The following LINGO1 variants were observed in gnomAD, a reference collection of about 807,000 sequenced individuals.
LINGO1 encodes the protein leucine rich repeat and Ig domain containing 1, also known as leucine-rich repeat and immunoglobulin-like domain-containing nogo receptor-interacting protein 1.
A neutral mutation model predicts 37.3 loss-of-function variants in LINGO1; 11 were observed. The observed-to-expected ratio is 0.29, with a 90% CI of 0.19 to 0.49. The LOEUF (loss-of-function observed/expected upper bound fraction) is 0.49, where lower values mean the gene tolerates loss of function less well. LINGO1 is among the 20% of genes least tolerant of loss of function. The pLI is 0.99. For synonymous variants in LINGO1, 387 were observed against 403.0 expected (o/e 0.96, Z 0.48); for missense variants, 585 against 878.2 (o/e 0.67, Z 4.22).
chr15:77,656,769 T>A (rs1253701248), intron 3 of LINGO1, among the ~76,000 whole-genome samples: 4 of 152,226 alleles, frequency 2.6e-5, no homozygotes, highest in Non-Finnish European at 5.9e-5. Flanking sequence ...GCTTTGTCCA[T>A]GATACATGCC....
At chr15:77,732,668 G>A (rs966145112) in intron 2 of LINGO1, among the ~76,000 whole-genome samples, 2 of 152,212 alleles carry the variant, frequency 1.3e-5, no homozygotes, top group African/African-American at 4.8e-5. Flanking sequence ...CAGAGCTTCC[G>A]GCCAAGGCTG....
upstream of LINGO1, among the ~76,000 whole-genome samples, chr15:77,633,195 T>C (rs967303434): frequency 6.6e-6 from 1 of 152,000 alleles, no homozygotes; most frequent in African/African-American, 2.4e-5. Context: ...GGTCCGGGGC[T>C]CTGGGCGAGT....
chr15:77,626,281 G>A (rs1188629640), intron 1 of LINGO1, among the ~76,000 whole-genome samples: 3 of 151,648 alleles, frequency 2.0e-5, no homozygotes, highest in Admixed American at 1.3e-4. Context: ...GAGAGTTTGG[G>A]TTATTTCTGC....
chr15:77,710,258 C>G (rs572510023), intron 2 of LINGO1, among the ~76,000 whole-genome samples: 1 of 152,220 alleles, frequency 6.6e-6, no homozygotes. Flanking sequence ...GCTCCGACAC[C>G]AAATGAAGCA....
At chr15:77,716,569 G>A (rs150835389) in intron 2 of LINGO1, among the ~76,000 whole-genome samples, 23 of 149,930 alleles carry the variant, frequency 1.5e-4, no homozygotes, top group Non-Finnish European at 3.0e-4. Context: ...ACACACACAC[G>A]TCTATGCAGC....
chr15:77,745,435 A>C (rs1276703592), intron 1 of LINGO1, among the ~76,000 whole-genome samples: 1 of 151,966 alleles, frequency 6.6e-6, no homozygotes, highest in Non-Finnish European at 1.5e-5. Context: ...AAAAGAAAAA[A>C]AAAAAAAAAA....
chr15:77,788,427 AG>A (rs1342125229), upstream of LINGO1: 1 of 152,236 alleles, frequency 6.6e-6, no homozygotes, highest in Non-Finnish European at 1.5e-5. Flanking sequence ...TGAGACCCAA[AG>A]GCCTTAGGGA....
At chr15:77,817,655 G>A (rs367768082) in intron 1 of LINGO1, among the ~76,000 whole-genome samples, 15 of 152,218 alleles carry the variant, frequency 9.9e-5, no homozygotes, top group East Asian at 7.7e-4. Flanking sequence ...GAGAACAGCC[G>A]CCAGCCCAGT....
rs559718335 is a variant in LINGO1, at chr15:77,762,853, C to T, written c.-257+24016G>A. On this transcript the variant is annotated intron_variant, in intron 1 of 3. Coordinates refer to the LINGO1 transcript ENST00000561686. ...CTTCCCTGCCCCAGGGCTTTTGCTG[C>T]AATACATACTTACAAACCTACCTCC... Among the ~76,000 whole-genome samples, 5 of 152,288 alleles carry T rather than the reference C, an allele frequency of 3.3e-5. No homozygotes were observed. In the South Asian group the frequency reaches 1.0e-3, roughly 32 times the overall value.
chr15:77,698,557 C>T (rs1355022498), upstream of LINGO1, among the ~76,000 whole-genome samples: 1 of 152,144 alleles, frequency 6.6e-6, no homozygotes, highest in African/African-American at 2.4e-5. Context: ...GAATGCCTGA[C>T]AGTGGGGCTG....
intron 1 of LINGO1, among the ~76,000 whole-genome samples, chr15:77,780,044 C>T (rs1281071697): frequency 6.6e-6 from 1 of 152,196 alleles, no homozygotes; most frequent in African/African-American, 2.4e-5. Context: ...GCCCAGGGGG[C>T]TGGGGACAGC....
At chr15:77,724,951 C>T (rs2076088042) in intron 2 of LINGO1, among the ~76,000 whole-genome samples, 1 of 152,246 alleles carries the variant, frequency 6.6e-6, no homozygotes, top group Admixed American at 6.5e-5. Flanking sequence ...GCCACCGCCC[C>T]ACCCCAGGAG....
chr15:77,711,134 C>T (rs1376003985), intron 2 of LINGO1, among the ~76,000 whole-genome samples: 1 of 152,206 alleles, frequency 6.6e-6, no homozygotes, highest in Non-Finnish European at 1.5e-5. Flanking sequence ...CCCTTCAAAA[C>T]CCAGCTCAAC....
chr15:77,745,276 A>C (rs1038405055), intron 1 of LINGO1, among the ~76,000 whole-genome samples: 5 of 151,776 alleles, frequency 3.3e-5, no homozygotes, highest in Non-Finnish European at 5.9e-5. Context: ...AATACAAAAA[A>C]TTAGCCAGGC....
intron 2 of LINGO1, among the ~76,000 whole-genome samples, chr15:77,705,205 A>ACACACACC (rs1555532644): frequency 2.8e-5 from 4 of 145,330 alleles, no homozygotes; most frequent in African/African-American, 1.1e-4. Context: ...ACACACACAC[A>ACACACACC]CCAGTCCACT....
At chr15:77,757,882 C>T (rs1040060094) in intron 1 of LINGO1, among the ~76,000 whole-genome samples, 2 of 152,252 alleles carry the variant, frequency 1.3e-5, no homozygotes, top group African/African-American at 4.8e-5. Context: ...GGCTCATTAG[C>T]CCAGACCTGC....
At chr15:77,775,952 C>T (rs912379631) in intron 1 of LINGO1, among the ~76,000 whole-genome samples, 14 of 152,128 alleles carry the variant, frequency 9.2e-5, no homozygotes, top group Non-Finnish European at 1.8e-4. Flanking sequence ...AACCTGATGT[C>T]TCTGAGCCCC....
intron 3 of LINGO1, among the ~76,000 whole-genome samples, chr15:77,643,657 G>C (rs2074558991): frequency 6.6e-6 from 1 of 152,210 alleles, no homozygotes; most frequent in Admixed American, 6.5e-5. Context: ...GTGGCATGGA[G>C]GTGGGGGTAC....
intron 1 of LINGO1, among the ~76,000 whole-genome samples, chr15:77,778,683 A>G (rs1158073415): frequency 6.6e-6 from 1 of 152,100 alleles, no homozygotes; most frequent in Non-Finnish European, 1.5e-5. Context: ...ACCACTTCTC[A>G]CCACTCCACG....
Sources: gnomAD v4.1 joint callset for allele counts (sites outside exome capture counted in the v4.1 genomes callset) on GRCh38, gnomAD v4.1.1 for gene constraint, MANE v1.5 for transcripts, NCBI Gene and HGNC (gene_info 2026-07-23, HGNC 2026-07-21) for gene names.